SLC38A1: variants seen among roughly 807,000 people sequenced by gnomAD.
The protein encoded by SLC38A1 is solute carrier family 38 member 1, also known as sodium-coupled neutral amino acid symporter 1.
A neutral mutation model predicts 60.3 loss-of-function variants in SLC38A1; 18 were observed. The ratio of observed to expected loss-of-function variants is 0.30; its 90% CI spans 0.21 to 0.44. The LOEUF is 0.44. SLC38A1 is among the 20% of genes least tolerant of loss of function. The probability of loss-of-function intolerance (pLI) is 1.00; values close to 1 mark genes in which losing one functional copy is unlikely to be tolerated. For synonymous variants in SLC38A1, 196 were observed against 212.1 expected, an observed-to-expected ratio of 0.92 and a Z score of 0.66; for missense variants, 448 against 587.2, an observed-to-expected ratio of 0.76 and a Z score of 2.45.
At chr12:46,245,333 A>G (rs1466264611) in intron 1 of SLC38A1, among the ~76,000 whole-genome samples, 1 of 152,234 alleles carries the variant, frequency 6.6e-6, no homozygotes, top group Non-Finnish European at 1.5e-5. Flanking sequence ...CAAAGAATAC[A>G]TAAAAATGGC....
chr12:46,250,696 A>G (rs1941806086), intron 1 of SLC38A1, among the ~76,000 whole-genome samples: 1 of 152,172 alleles, frequency 6.6e-6, no homozygotes, highest in South Asian at 2.1e-4. Flanking sequence ...AACCAATAAC[A>G]GACAGACAAA....
In SLC38A1 at chr12:46,239,680, T is replaced by C. The variant is rs1425148160; in HGVS notation, c.121A>G (p.Ser41Gly). 1.2e-6 allele frequency: 2 copies of C among 1,613,584 alleles called. No homozygotes were observed. The highest frequency in any genetic ancestry group is 1.7e-6 in the Non-Finnish European group (2 of 1,179,924). ...AAATGTTAGTGGAAAAATACTCACC[T>C]ATTTATCTGACCATTTTCTACTTCG... ...FTEVENGQIN[S>G]KFISDRESRR... The change falls in exon 3 of 17, where the codon AGC becomes GGC. Residue 41 changes from serine (S) to glycine (G), a missense_variant and splice_region_variant. Ser to Gly is a moderately conservative substitution (Grantham distance 56). Coordinates refer to ENST00000398637, the MANE Select transcript of SLC38A1 (RefSeq NM_030674.4).
intron 13 of SLC38A1, among the ~76,000 whole-genome samples, 170 bp from the exon 14 acceptor site, chr12:46,198,913 C>A (rs996243162): frequency 1.3e-5 from 2 of 152,174 alleles, no homozygotes; most frequent in Admixed American, 1.3e-4. Context: ...GTAAGACATG[C>A]TCCACTGTGC....
intron 15 of SLC38A1, 34 bp downstream of exon 15, chr12:46,197,885 G>A: frequency 6.2e-7 from 1 of 1,610,394 alleles, no homozygotes. Flanking sequence ...AACAGCTACT[G>A]TAGAATGACA....
intron 1 of SLC38A1, among the ~76,000 whole-genome samples, chr12:46,258,946 G>A (rs1942115868): frequency 6.6e-6 from 1 of 152,112 alleles, no homozygotes. Flanking sequence ...GAGCCACTGT[G>A]CCCAGCCAGG....
chr12:46,212,497 CT>C (rs1293641028), intron 5 of SLC38A1, among the ~76,000 whole-genome samples: 2 of 152,166 alleles, frequency 1.3e-5, no homozygotes, highest in African/African-American at 2.4e-5. Context: ...TTATGTTCAT[CT>C]TTGAGGAGAA....
rs185891868 is a variant in SLC38A1 at position 46,259,178 on chromosome 12, G to A, written c.-209+9348C>T. On this transcript the variant is annotated intron_variant, in intron 1 of 16. Transcript: ENST00000398637. Reference sequence around the variant, plus strand: ...CTTAAATACATATAATTTTTAAAGCGGAGAAAGTGTTAAGCCTAAGGTCAA... The same window carrying A: ...CTTAAATACATATAATTTTTAAAGCAGAGAAAGTGTTAAGCCTAAGGTCAA... 2.9e-4 allele frequency among the ~76,000 whole-genome samples: 44 copies of A among 152,244 alleles called. No individual in the cohort carries two copies. The East Asian group carries it at 7.1e-3, about 25-fold the overall frequency.
At chr12:46,257,756 C>T (rs988898724) in intron 1 of SLC38A1, among the ~76,000 whole-genome samples, 44 of 152,090 alleles carry the variant, frequency 2.9e-4, no homozygotes, top group Admixed American at 2.4e-3. Flanking sequence ...CTTCCACAGT[C>T]GCCAGAAAGA....
At position 46,183,110 on chromosome 12, in the gene SLC38A1, C is replaced by A. The variant is rs1938821743; in HGVS notation, c.*5860G>T. The A allele has an allele frequency of 6.6e-6, 1 of 152,182 alleles. No individual in the cohort carries two copies. The highest frequency in any genetic ancestry group is 6.6e-5 in the Admixed American group (1 of 15,220). The allele number at this position is 152,182 out of a possible 1,614,324, so 9.4% of individuals were successfully genotyped here. A position where few individuals can be genotyped will look rare whatever the true frequency, so the allele number is the denominator to read the frequency against. On this transcript the variant is annotated 3_prime_UTR_variant, in exon 17 of 17. Coordinates refer to ENST00000398637, the MANE Select transcript of SLC38A1 (RefSeq NM_030674.4). ...ATGTTTAAAAACTATGTTAACAGAG[C>A]AGTTATAGAACAGAACTTCTTATAT...
intron 1 of SLC38A1, among the ~76,000 whole-genome samples, chr12:46,245,363 G>A (rs1941579076): frequency 6.6e-6 from 1 of 152,164 alleles, no homozygotes; most frequent in Non-Finnish European, 1.5e-5. Flanking sequence ...GTGAAAAGGT[G>A]CTCAACATTA....
chr12:46,252,100 G>A lies in SLC38A1; in HGVS notation c.-208-8786C>T, dbSNP rs571851060. On this transcript the variant is annotated intron_variant, in intron 1 of 16. Transcript: ENST00000398637. ...CTTGGAACCAACCCAAATGTCCATCGATGATAGACTGGATTAAGAAAATGT... is the reference window on the plus strand; with the variant it reads ...CTTGGAACCAACCCAAATGTCCATCAATGATAGACTGGATTAAGAAAATGT... Among the ~76,000 whole-genome samples, 56 of 152,172 alleles carry A rather than the reference G, an allele frequency of 3.7e-4. No homozygotes were observed. In the South Asian group the frequency reaches 0.01, roughly 28 times the overall value.
At chr12:46,250,037 A>G (rs1421515097) in intron 1 of SLC38A1, among the ~76,000 whole-genome samples, 2 of 152,202 alleles carry the variant, frequency 1.3e-5, no homozygotes, top group Non-Finnish European at 2.9e-5. Flanking sequence ...ACAACAAAAA[A>G]AGAGAATTTT....
At chr12:46,196,171 T>C in intron 16 of SLC38A1, 2 of 1,536,086 alleles carry the variant, frequency 1.3e-6, no homozygotes, top group Non-Finnish European at 1.7e-6. Flanking sequence ...CACAAGATTA[T>C]AAGTTCCTTG....
intron 3 of SLC38A1, 91 bp downstream of exon 3, chr12:46,239,588 C>T (rs1214012659): frequency 2.5e-5 from 36 of 1,423,982 alleles, no homozygotes; most frequent in Non-Finnish European, 3.4e-5. Context: ...AATGATCCAC[C>T]CACCTCGGCC....
At chr12:46,202,893 G>T in intron 12 of SLC38A1, 117 bp downstream of exon 12, 1 of 660,970 alleles carries the variant, frequency 1.5e-6, no homozygotes, top group Non-Finnish European at 2.6e-6. Flanking sequence ...AAATGTTGAA[G>T]CTGGGTGATG....
intron 6 of SLC38A1, among the ~76,000 whole-genome samples, chr12:46,208,250 C>G (rs1391471790): frequency 6.6e-6 from 1 of 152,160 alleles, no homozygotes; most frequent in Non-Finnish European, 1.5e-5. Flanking sequence ...TGAAAGTGTT[C>G]GACTAGCTCA....
At chr12:46,206,025 G>A in intron 9 of SLC38A1, 55 bp downstream of exon 9, 1 of 1,072,288 alleles carries the variant, frequency 9.3e-7, no homozygotes, top group Non-Finnish European at 1.4e-6. Context: ...TTTTTATTCA[G>A]TTTCTGATTC....
intron 5 of SLC38A1, among the ~76,000 whole-genome samples, chr12:46,212,926 C>A (rs1842411324): frequency 6.6e-6 from 1 of 152,186 alleles, no homozygotes. Flanking sequence ...ACCTTCTGGA[C>A]CTATTTGTAT....
chr12:46,220,164 A>G (rs546836268), intron 5 of SLC38A1, among the ~76,000 whole-genome samples: 1 of 152,234 alleles, frequency 6.6e-6, no homozygotes, highest in Non-Finnish European at 1.5e-5. Context: ...CCACTTTCCC[A>G]TTTCCCTATT....
Sources: allele counts gnomAD v4.1 joint callset (sites outside exome capture counted in the v4.1 genomes callset), GRCh38; gene constraint gnomAD v4.1.1; transcripts MANE v1.5; gene names NCBI Gene and HGNC (gene_info 2026-07-23, HGNC 2026-07-21).